The following ZDHHC14 variants were observed in gnomAD, a reference collection of about 807,000 sequenced individuals.
ZDHHC14 encodes zDHHC palmitoyltransferase 14.
ZDHHC14 carries 16 observed loss-of-function variants against 47.7 expected under a neutral mutation model. The ratio of observed to expected loss-of-function variants is 0.34; its 90% CI spans 0.23 to 0.51. ZDHHC14 has a LOEUF of 0.51. ZDHHC14 is among the 20% of genes least tolerant of loss of function. ZDHHC14 has a pLI of 0.97. For synonymous variants in ZDHHC14, 293 were observed against 278.9 expected (o/e 1.05, Z -0.50); for missense variants, 515 against 662.5 (o/e 0.78, Z 2.44).
At chr6:157,411,784 AG>A (rs1777874957) in intron 1 of ZDHHC14, among the ~76,000 whole-genome samples, 1 of 150,862 alleles carries the variant, frequency 6.6e-6, no homozygotes, top group Non-Finnish European at 1.5e-5. Flanking sequence ...AAAGCTTTCC[AG>A]GCATCTCTGA....
intron 1 of ZDHHC14, among the ~76,000 whole-genome samples, chr6:157,482,398 C>G (rs1232661978): frequency 1.3e-5 from 2 of 151,430 alleles, no homozygotes; most frequent in African/African-American, 4.9e-5. Context: ...GGATTACAGG[C>G]ACGTGCCATC....
At chr6:157,459,614 C>T (rs1481965051) in intron 1 of ZDHHC14, among the ~76,000 whole-genome samples, 1 of 152,098 alleles carries the variant, frequency 6.6e-6, no homozygotes, top group Non-Finnish European at 1.5e-5. Context: ...GAGAGAGCCT[C>T]AGGGTGGGAG....
intron 2 of ZDHHC14, among the ~76,000 whole-genome samples, chr6:157,561,621 G>A (rs1210643694): frequency 6.6e-6 from 1 of 152,192 alleles, no homozygotes; most frequent in East Asian, 1.9e-4. Flanking sequence ...ACCTGGCACA[G>A]AGCAGGTGCT....
At chr6:157,465,602 C>T (rs980658775) in intron 1 of ZDHHC14, among the ~76,000 whole-genome samples, 14 of 149,068 alleles carry the variant, frequency 9.4e-5, no homozygotes, top group African/African-American at 3.5e-4. Context: ...GCAAGAGATG[C>T]TAAAAAAAAA....
intron 1 of ZDHHC14, among the ~76,000 whole-genome samples, chr6:157,504,446 C>A (rs1428674014): frequency 7.5e-6 from 1 of 133,918 alleles, no homozygotes; most frequent in African/African-American, 3.1e-5. Flanking sequence ...CCGCACCCAG[C>A]CTATTTTTTT....
chr6:157,529,676 C>T (rs1382295231), intron 1 of ZDHHC14, among the ~76,000 whole-genome samples: 5 of 152,204 alleles, frequency 3.3e-5, no homozygotes, highest in African/African-American at 1.2e-4. Flanking sequence ...TCAGGTTTCA[C>T]TGTGTTCTTA....
chr6:157,639,286 G>C (rs647277), intron 5 of ZDHHC14, among the ~76,000 whole-genome samples: 62,308 of 152,090 alleles, frequency 0.41, 14,366 homozygotes, highest in Non-Finnish European at 0.52. Flanking sequence ...TTTGATGCTT[G>C]TTTTAAAGAA....
chr6:157,413,387 G>T (rs560458201), intron 1 of ZDHHC14, among the ~76,000 whole-genome samples: 1 of 152,238 alleles, frequency 6.6e-6, no homozygotes, highest in South Asian at 2.1e-4. Flanking sequence ...TCCTCGCCTG[G>T]CATCTTACAG....
chr6:157,444,209 G>T (rs772802532), intron 1 of ZDHHC14, among the ~76,000 whole-genome samples: 1 of 152,136 alleles, frequency 6.6e-6, no homozygotes, highest in African/African-American at 2.4e-5. Flanking sequence ...CTCTACACCC[G>T]CAATGAAGCC....
intron 2 of ZDHHC14, among the ~76,000 whole-genome samples, chr6:157,562,345 G>A (rs960746349): frequency 6.6e-5 from 10 of 152,324 alleles, no homozygotes; most frequent in Non-Finnish European, 1.0e-4. Flanking sequence ...CAGAGAAGGC[G>A]CTGCAGAAGC....
At chr6:157,448,178 TA>T (rs1001285953) in intron 1 of ZDHHC14, among the ~76,000 whole-genome samples, 2 of 152,204 alleles carry the variant, frequency 1.3e-5, no homozygotes, top group African/African-American at 4.8e-5. Flanking sequence ...ACGCCTTGCC[TA>T]AAACATGTTT....
Position 157,460,986 on chromosome 6 carries a change from T to C in ZDHHC14, c.245+78720T>C, listed in dbSNP as rs543445724. ...GACAATGCATAAAGCATGCATGTGCTCGAGAAGGCTTCCTTTTCCTGACTG... is the reference window on the plus strand; with the variant it reads ...GACAATGCATAAAGCATGCATGTGCCCGAGAAGGCTTCCTTTTCCTGACTG... On this transcript the variant is annotated intron_variant, in intron 1 of 8. Coordinates refer to ENST00000359775, the MANE Select transcript of ZDHHC14 (RefSeq NM_024630.3). Among the ~76,000 whole-genome samples the C allele has an allele frequency of 3.9e-5, 6 of 152,350 alleles. No individual in the cohort carries two copies. In the South Asian group the frequency reaches 1.2e-3, roughly 32 times the overall value.
chr6:157,663,903 T>G (rs1422100965), intron 8 of ZDHHC14, among the ~76,000 whole-genome samples: 1 of 152,166 alleles, frequency 6.6e-6, no homozygotes, highest in Non-Finnish European at 1.5e-5. Flanking sequence ...TTATCTCCAT[T>G]TTATAGATTA....
chr6:157,492,360 G>T (rs953127241), intron 1 of ZDHHC14, among the ~76,000 whole-genome samples: 3 of 152,052 alleles, frequency 2.0e-5, no homozygotes, highest in Admixed American at 2.0e-4. Context: ...AGGGCATTTC[G>T]CTGCCTGCCC....
At chr6:157,572,340 A>T (rs1366832902) in intron 2 of ZDHHC14, among the ~76,000 whole-genome samples, 1 of 152,120 alleles carries the variant, frequency 6.6e-6, no homozygotes, top group Non-Finnish European at 1.5e-5. Context: ...GTTGAGAACC[A>T]CTGCCCTAGA....
Position 157,542,652 on chromosome 6 carries a change from G to T in ZDHHC14, c.313G>T (p.Val105Leu). Residue 105 changes from valine to leucine, a missense_variant, in exon 2 of 9, where the codon GTG becomes TTG. Val to Leu is a conservative substitution (Grantham distance 32, BLOSUM62 1). This residue lies in a region of ZDHHC14 where 229 missense variants were observed against 351.5 expected (regional missense o/e 0.65). Coordinates refer to ENST00000359775, the MANE Select transcript of ZDHHC14 (RefSeq NM_024630.3). Reference protein sequence around the residue: ...PAVAGILFFFVMGTLLRTSFS... With the variant: ...PAVAGILFFFLMGTLLRTSFS... ...AGTCGCTGGCATCCTGTTCTTCTTT[G>T]TGATGGGGACCCTGCTCCGCACCAG... The T allele has an allele frequency of 6.2e-7, 1 of 1,614,158 alleles. No individual in the cohort carries two copies. The highest frequency in any genetic ancestry group is 8.5e-7 in the Non-Finnish European group (1 of 1,180,042).
intron 2 of ZDHHC14, among the ~76,000 whole-genome samples, chr6:157,557,069 G>A (rs955727238): frequency 5.3e-5 from 8 of 152,248 alleles, no homozygotes; most frequent in African/African-American, 1.4e-4. Flanking sequence ...TCCGGGCTGT[G>A]TCCTGGGGAG....
intron 2 of ZDHHC14, among the ~76,000 whole-genome samples, chr6:157,560,661 A>C (rs1782673703): frequency 6.6e-6 from 1 of 152,220 alleles, no homozygotes; most frequent in African/African-American, 2.4e-5. Flanking sequence ...TAGAAGAAAA[A>C]AAATCAGTAA....
intron 8 of ZDHHC14, among the ~76,000 whole-genome samples, chr6:157,654,655 A>T (rs1411309647): frequency 6.6e-6 from 1 of 151,932 alleles, no homozygotes; most frequent in Non-Finnish European, 1.5e-5. Flanking sequence ...CCCCCAGCAG[A>T]GATGGCTGGG....
Sources: allele counts gnomAD v4.1 joint callset (sites outside exome capture counted in the v4.1 genomes callset), GRCh38; gene constraint gnomAD v4.1.1; regional missense constraint gnomAD v4.1.1; transcripts MANE v1.5; gene names NCBI Gene and HGNC (gene_info 2026-07-23, HGNC 2026-07-21).